The following IL26 variants were observed in gnomAD, a reference collection of about 807,000 sequenced individuals.
The protein encoded by IL26 is interleukin-26.
A neutral mutation model predicts 21.7 loss-of-function variants in IL26; 23 were observed. The observed-to-expected ratio is 1.06, with a 90% CI of 0.76 to 1.50. The LOEUF is 1.50. Among genes scored for constraint, IL26 ranks in the 40% most tolerant of loss-of-function variants. The pLI is 0.00. For synonymous variants in IL26, 63 were observed against 67.8 expected (o/e 0.93, Z 0.34); for missense variants, 204 against 196.0 (o/e 1.04, Z -0.24).
rs535293879 is a variant in IL26 at position 68,211,656 on chromosome 12, TTGAG to T, written c.364-9577_364-9574del. Among the ~76,000 whole-genome samples, 649 of 152,236 alleles carry T rather than the reference TTGAG, an allele frequency of 4.3e-3. 1 individual carries two copies. The highest frequency in any genetic ancestry group is 0.027 in the Middle Eastern group (8 of 294). ...ATTTGCATTTCTCTGATTAGTGATA[TTGAG>T]TATTTTGATATGCCTGTTGGCCATT... On this transcript the variant is annotated intron_variant, in intron 3 of 4. Coordinates refer to ENST00000229134, the MANE Select transcript of IL26 (RefSeq NM_018402.2).
intron 3 of IL26, among the ~76,000 whole-genome samples, chr12:68,210,438 A>G (rs1868688370): frequency 6.7e-6 from 1 of 148,648 alleles, no homozygotes; most frequent in Non-Finnish European, 1.5e-5. Flanking sequence ...AAAGATTTAT[A>G]GGAAACTTTG....
intron 3 of IL26, among the ~76,000 whole-genome samples, chr12:68,203,084 A>G (rs1868432593): frequency 6.6e-6 from 1 of 152,190 alleles, no homozygotes; most frequent in African/African-American, 2.4e-5. Context: ...TACAAGGAGA[A>G]GGCACCTAGG....
intron 3 of IL26, among the ~76,000 whole-genome samples, chr12:68,208,593 C>T (rs1868613115): frequency 6.6e-6 from 1 of 152,118 alleles, no homozygotes; most frequent in Admixed American, 6.5e-5. Context: ...ACCTCCGTAT[C>T]CTGGGTTCAA....
intron 3 of IL26, among the ~76,000 whole-genome samples, chr12:68,208,770 G>A (rs990829075): frequency 1.3e-5 from 2 of 152,216 alleles, no homozygotes; most frequent in Non-Finnish European, 1.5e-5. Flanking sequence ...CAAAGTGCTC[G>A]GATTACAGTG....
chr12:68,209,374 T>G (rs1184942295), intron 3 of IL26, among the ~76,000 whole-genome samples: 2 of 152,204 alleles, frequency 1.3e-5, no homozygotes. Context: ...AGCATTGCAT[T>G]AAGCACATGA....
Position 68,202,092 on chromosome 12 carries a change from T to C in IL26, c.364-9A>G. ...GATGAAGCACAGGAAATCTAAGAAA[T>C]CAACAGTAATTACAGATAATATTGT... On this transcript the variant is annotated splice_polypyrimidine_tract_variant and intron_variant, in intron 3 of 4. Coordinates refer to ENST00000229134, the MANE Select transcript of IL26 (RefSeq NM_018402.2). 1 of 1,530,690 alleles carries C rather than the reference T, an allele frequency of 6.5e-7. No individual in the cohort carries two copies. Among genetic ancestry groups the C allele is most frequent in the African/African-American group, 1.4e-5 (1 of 72,636 alleles). 94.8% of individuals were successfully genotyped at this position (1,530,690 alleles called of 1,614,324 possible).
intron 3 of IL26, among the ~76,000 whole-genome samples, chr12:68,224,668 G>A (rs1482537213): frequency 6.7e-6 from 1 of 149,434 alleles, no homozygotes; most frequent in Non-Finnish European, 1.5e-5. Flanking sequence ...GAAAGAGAGA[G>A]GGAGGGAAGG....
intron 3 of IL26, among the ~76,000 whole-genome samples, chr12:68,219,718 A>G (rs1224904401): frequency 6.6e-6 from 1 of 151,940 alleles, no homozygotes; most frequent in Non-Finnish European, 1.5e-5. Context: ...AATAATGTTC[A>G]GAATAAAAAT....
At position 68,201,893 on chromosome 12, in the gene IL26, C is replaced by T. The variant is rs753424343; in HGVS notation, c.468G>A (p.Leu156=). The change falls in exon 5 of 5, where the codon CTG becomes CTA. Residue 156 remains leucine, a synonymous_variant. Transcript: ENST00000229134. ...NKGIYKAISE[L]DILLSWIKKL... ...TTTTAATCCAGGAAAGAAGAATATC[C>T]AGTTCACTGATGGCTTTGTAGATTC... is the stretch of plus-strand genomic sequence containing the variant. 5.0e-6 allele frequency: 8 copies of T among 1,606,012 alleles called. No homozygotes were observed. The highest frequency in any genetic ancestry group is 5.9e-6 in the Non-Finnish European group (7 of 1,177,672).
In IL26 at chr12:68,223,884, GT is replaced by G. The variant is rs376115904; in HGVS notation, c.363+1264del. Among the ~76,000 whole-genome samples, 166 of 132,256 alleles carry G rather than the reference GT, an allele frequency of 1.3e-3. 11 individuals carry two copies. Among genetic ancestry groups the G allele is most frequent in the South Asian group, 8.7e-3 (35 of 4,046 alleles). 86.8% of individuals were successfully genotyped at this position (132,256 alleles called of 152,430 possible). A position where few individuals can be genotyped will look rare whatever the true frequency, so the allele number is the denominator to read the frequency against. On this transcript the variant is annotated intron_variant, in intron 3 of 4. Coordinates refer to ENST00000229134, the MANE Select transcript of IL26 (RefSeq NM_018402.2). ...AGAAATAGAGAACTTAAATTTGGTG[GT>G]TTTTTTTTTTTTTTTTTGCTTGTTT... is the stretch of plus-strand genomic sequence containing the variant.
At chr12:68,201,986 A>C (rs1868401988) in intron 4 of IL26, 32 bp downstream of exon 4, 1 of 1,539,630 alleles carries the variant, frequency 6.5e-7, no homozygotes, top group Non-Finnish European at 8.8e-7. Context: ...TAAAAAACAA[A>C]GTTTTTTAAT....
intron 3 of IL26, among the ~76,000 whole-genome samples, chr12:68,220,072 A>G (rs1421347052): frequency 1.3e-5 from 2 of 152,152 alleles, no homozygotes; most frequent in African/African-American, 4.8e-5. Flanking sequence ...TAGAATACAT[A>G]GTTTAAAATC....
Position 68,225,575 on chromosome 12 carries a change from C to G in IL26, c.171+11G>C. 3 of 1,613,798 alleles carry G rather than the reference C, an allele frequency of 1.9e-6. No individual in the cohort carries two copies. The highest frequency in any genetic ancestry group is 2.2e-5 in the East Asian group (1 of 44,880). On this transcript the variant is annotated intron_variant, in intron 1 of 4. Transcript: ENST00000229134. ...TTGAGGTCATGATTTTAAGCAGAGC[C>G]TAATACTTACTGGAATCGTTGCTTT... is the stretch of plus-strand genomic sequence containing the variant.
At chr12:68,214,668 C>T (rs1214427909) in intron 3 of IL26, among the ~76,000 whole-genome samples, 1 of 151,900 alleles carries the variant, frequency 6.6e-6, no homozygotes, top group East Asian at 1.9e-4. Context: ...TTTTTGGTTT[C>T]CATTTGCATG....
At chr12:68,202,704 C>T (rs1868422627) in intron 3 of IL26, among the ~76,000 whole-genome samples, 1 of 152,168 alleles carries the variant, frequency 6.6e-6, no homozygotes, top group Non-Finnish European at 1.5e-5. Flanking sequence ...GTCCCTCCCT[C>T]CACATTTGGG....
chr12:68,215,829 G>A (rs1420490542), intron 3 of IL26, among the ~76,000 whole-genome samples: 1 of 151,834 alleles, frequency 6.6e-6, no homozygotes, highest in African/African-American at 2.4e-5. Flanking sequence ...CCCATATCCA[G>A]ATAACTTTTT....
Position 68,225,675 on chromosome 12 carries a change from AG to A in IL26, c.81del (p.Phe28SerfsTer34). ...CCCCTTGGGTAACAACTTTTGGTGAAGGAAGATTGCTTGTGCTTGGCAATGG... is the reference window on the plus strand; with the variant it reads ...CCCCTTGGGTAACAACTTTTGGTGAAGAAGATTGCTTGTGCTTGGCAATGG... ...SLAIAKHKQS[S>X]FTKSCYPRGT... On this transcript the variant is annotated frameshift_variant, in exon 1 of 5. Coordinates refer to ENST00000229134, the MANE Select transcript of IL26 (RefSeq NM_018402.2). LOFTEE classifies it high-confidence loss of function. 6.2e-7 allele frequency: 1 copy of A among 1,614,100 alleles called. No homozygotes were observed. Among genetic ancestry groups the A allele is most frequent in the Non-Finnish European group, 8.5e-7 (1 of 1,179,966 alleles).
At chr12:68,225,074 G>A in intron 3 of IL26, 75 bp downstream of exon 3, 1 of 1,459,538 alleles carries the variant, frequency 6.9e-7, no homozygotes, top group Non-Finnish European at 9.2e-7. Flanking sequence ...CCTTTGGTGT[G>A]AGACAGATTC....
In IL26 at chr12:68,224,039, ACC is replaced by A. The variant is rs72054758; in HGVS notation, c.363+1108_363+1109del. ...ACATCTTAACTCTTAAAAAATAAACACCCCCCCCCTCTAATGGCCCAGTGTTT... is the reference window on the plus strand; with the variant it reads ...ACATCTTAACTCTTAAAAAATAAACACCCCCCCTCTAATGGCCCAGTGTTT... On this transcript the variant is annotated intron_variant, in intron 3 of 4. Coordinates refer to ENST00000229134, the MANE Select transcript of IL26 (RefSeq NM_018402.2). Among the ~76,000 whole-genome samples the A allele has an allele frequency of 2.0e-5, 3 of 147,208 alleles. No individual in the cohort carries two copies. In the East Asian group the frequency reaches 5.8e-4, roughly 29 times the overall value.
Sources: allele counts gnomAD v4.1 joint callset (sites outside exome capture counted in the v4.1 genomes callset), GRCh38; gene constraint gnomAD v4.1.1; transcripts MANE v1.5; gene names NCBI Gene and HGNC (gene_info 2026-07-23, HGNC 2026-07-21).